The following PPEF1 variants were observed in gnomAD, a reference collection of about 807,000 sequenced individuals.
PPEF1 encodes the protein serine/threonine-protein phosphatase with EF-hands 1.
In PPEF1, 12 loss-of-function variants were observed where a neutral mutation model predicts 53.3. The observed-to-expected ratio is 0.23, with a 90% confidence interval of 0.14 to 0.36. The LOEUF is 0.36. Ranked by LOEUF, PPEF1 falls within the 10% of genes least tolerant of loss-of-function variation. The pLI, the probability that PPEF1 is intolerant of heterozygous loss-of-function variation, is 1.00. For synonymous variants in PPEF1, 165 were observed against 176.7 expected (o/e 0.93, Z 0.52); for missense variants, 334 against 490.4 (o/e 0.68, Z 3.01).
In PPEF1 at chrX:18,786,910, C is replaced by T. The variant is rs528001788; in HGVS notation, c.913-2211C>T. Among the ~76,000 whole-genome samples the T allele has an allele frequency of 2.7e-5, 3 of 110,883 alleles. No individual in the cohort carries two copies. In the South Asian group the frequency reaches 1.2e-3, roughly 43 times the overall value. ...GAGGTTTGTGTTTCAGTCACCAATA[C>T]AGACCCTGGGGAGAGTTTGTGGGCC... is the stretch of plus-strand genomic sequence containing the variant. On this transcript the variant is annotated intron_variant, in intron 9 of 15. Transcript: ENST00000470157.
chrX:18,767,826 G>A (rs1023310945), intron 6 of PPEF1, among the ~76,000 whole-genome samples: 1 of 110,909 alleles, frequency 9.0e-6, no homozygotes, highest in Non-Finnish European at 1.9e-5. Context: ...AAGGAAGAGA[G>A]TGGTGAGGGG....
rs2047195168 is a variant in PPEF1, at chrX:18,827,789, G to A, written c.*302G>A. On this transcript the variant is annotated 3_prime_UTR_variant, in exon 16 of 16. Transcript: ENST00000470157. ...GCCACCTAACCAGGAGGCCAGAGCGGTTTGAAAACATCCTGAAAGGAACTC... is the reference window on the plus strand; with the variant it reads ...GCCACCTAACCAGGAGGCCAGAGCGATTTGAAAACATCCTGAAAGGAACTC... 1 of 227,869 alleles carries A rather than the reference G, an allele frequency of 4.4e-6. No homozygotes were observed. Among genetic ancestry groups the A allele is most frequent in the Non-Finnish European group, 7.9e-6 (1 of 126,056 alleles). 18.8% of individuals were successfully genotyped at this position (227,869 alleles called of 1,213,427 possible).
intron 5 of PPEF1, among the ~76,000 whole-genome samples, chrX:18,758,396 C>A (rs1340436152): frequency 8.9e-6 from 1 of 111,929 alleles, no homozygotes; most frequent in African/African-American, 3.2e-5. Context: ...TCTAATTAAG[C>A]CTTTAGGTTA....
intron 12 of PPEF1, among the ~76,000 whole-genome samples, chrX:18,810,076 CTGTGTGTGTGTGTG>C (rs199559695): frequency 4.0e-5 from 4 of 99,461 alleles, no homozygotes; most frequent in South Asian, 4.9e-4. Flanking sequence ...AAAAAATCCT[CTGTGTGTGTGTGTG>C]TGTGTGTGTG....
Position 18,686,584 on chromosome X carries a change from G to A in PPEF1, c.-426+353G>A, listed in dbSNP as rs766179363. On this transcript the variant is annotated intron_variant, in intron 3 of 21. Transcript: ENST00000361511. Reference sequence around the variant, plus strand: ...AATTGGCTTAAGTCAACCAGGGCCCGCGCTTAGAGTTGGGGGCTGCGTCAG... The same window carrying A: ...AATTGGCTTAAGTCAACCAGGGCCCACGCTTAGAGTTGGGGGCTGCGTCAG... Among the ~76,000 whole-genome samples, 13 of 111,065 alleles carry A rather than the reference G, an allele frequency of 1.2e-4. 1 individual carries two copies. The highest frequency in any genetic ancestry group is 3.6e-4 in the African/African-American group (11 of 30,549).
chrX:18,801,541 T>C (rs1357769552), intron 10 of PPEF1, among the ~76,000 whole-genome samples: 2 of 111,968 alleles, frequency 1.8e-5, no homozygotes, highest in Non-Finnish European at 3.8e-5. Context: ...TCTGTTAGAA[T>C]CTGAGATACT....
Position 18,778,997 on chromosome X carries a change from C to T in PPEF1, c.559-13C>T, listed in dbSNP as rs1437290093. Reference sequence around the variant, plus strand: ...TTTAATTCCTTGTTTTTTCCCTTCTCCTCCTTCCACAGAATGGTCTCCCCT... The same window carrying T: ...TTTAATTCCTTGTTTTTTCCCTTCTTCTCCTTCCACAGAATGGTCTCCCCT... On this transcript the variant is annotated splice_polypyrimidine_tract_variant and intron_variant, in intron 6 of 15. Coordinates refer to ENST00000470157, the MANE Select transcript of PPEF1 (RefSeq NM_001377996.1). The T allele has an allele frequency of 1.7e-6, 2 of 1,176,600 alleles. No homozygotes were observed. Among genetic ancestry groups the T allele is most frequent in the African/African-American group, 1.8e-5 (1 of 56,593 alleles).
At chrX:18,728,855 T>C (rs2044769910) in intron 1 of PPEF1, among the ~76,000 whole-genome samples, 1 of 111,976 alleles carries the variant, frequency 8.9e-6, no homozygotes, top group African/African-American at 3.2e-5. Context: ...GTTCCTGTTA[T>C]AGTCAACTCT....
At chrX:18,823,143 T>C (rs1316815439) in intron 13 of PPEF1, among the ~76,000 whole-genome samples, 1 of 111,110 alleles carries the variant, frequency 9.0e-6, no homozygotes, top group African/African-American at 3.3e-5. Flanking sequence ...AAAGGAGTCT[T>C]TTCAATAAAC....
At chrX:18,746,801 T>C (rs1041718071) in intron 3 of PPEF1, among the ~76,000 whole-genome samples, 2 of 112,266 alleles carry the variant, frequency 1.8e-5, no homozygotes, top group Non-Finnish European at 3.8e-5. Context: ...GTGTAATGGT[T>C]AAGAGTTTGA....
At chrX:18,699,087 A>AT (rs1370408472) in intron 5 of PPEF1, among the ~76,000 whole-genome samples, 1 of 110,406 alleles carries the variant, frequency 9.1e-6, no homozygotes, top group South Asian at 3.8e-4. Flanking sequence ...ATTGTCCACT[A>AT]TTTTTTTTGG....
chrX:18,741,772 CTTTTTT>C (rs58971135), intron 3 of PPEF1, among the ~76,000 whole-genome samples: 17 of 66,338 alleles, frequency 2.6e-4, no homozygotes, highest in African/African-American at 9.4e-4. Context: ...GCTGCTGCTT[CTTTTTT>C]TTTTTTTTTT....
chrX:18,794,581 C>A lies in PPEF1; in HGVS notation c.1065+5308C>A, dbSNP rs778743683. On this transcript the variant is annotated intron_variant, in intron 10 of 15. Coordinates refer to ENST00000470157, the MANE Select transcript of PPEF1 (RefSeq NM_001377996.1). ...TTGGCTTGCCCTTCTTGGCATAGCA[C>A]CTCCTCCTTATGATTGAGCAAGCAT... is the stretch of plus-strand genomic sequence containing the variant. Among the ~76,000 whole-genome samples the A allele has an allele frequency of 2.6e-4, 29 of 112,862 alleles. 1 individual carries two copies. The highest frequency in any genetic ancestry group is 1.5e-3 in the Admixed American group (16 of 10,698).
At chrX:18,691,711 G>C (rs1336643903) in intron 4 of PPEF1, 2 of 112,052 alleles carry the variant, frequency 1.8e-5, no homozygotes, top group African/African-American at 6.5e-5. Context: ...ACAAGATAAA[G>C]AAACAGATTG....
chrX:18,677,775 G>A (rs1046848668), intron 1 of PPEF1, among the ~76,000 whole-genome samples: 3 of 111,306 alleles, frequency 2.7e-5, no homozygotes, highest in Non-Finnish European at 5.7e-5. Context: ...GTCGTAGGAG[G>A]CTGTCCCGTG....
chrX:18,785,841 C>T (rs1038353456), intron 9 of PPEF1, among the ~76,000 whole-genome samples: 1 of 111,324 alleles, frequency 9.0e-6, no homozygotes, highest in African/African-American at 3.3e-5. Flanking sequence ...ATGATCGCAC[C>T]ACTGCACTCC....
At chrX:18,702,544 C>T (rs1209176585) in intron 6 of PPEF1, among the ~76,000 whole-genome samples, 1 of 107,679 alleles carries the variant, frequency 9.3e-6, no homozygotes, top group African/African-American at 3.4e-5. Context: ...TAAGAATGAA[C>T]AAGAACAACT....
intron 6 of PPEF1, among the ~76,000 whole-genome samples, chrX:18,778,178 C>T (rs1050294741): frequency 1.8e-5 from 2 of 111,424 alleles, no homozygotes; most frequent in African/African-American, 6.5e-5. Context: ...AAATAGCCAT[C>T]TCCCTATCAA....
Position 18,815,908 on chromosome X carries a change from T to A in PPEF1, c.1395-2131T>A, listed in dbSNP as rs780188845. On this transcript the variant is annotated intron_variant, in intron 12 of 15. Coordinates refer to ENST00000470157, the MANE Select transcript of PPEF1 (RefSeq NM_001377996.1). ...ATTTTTTATTTTATTTATTTATTTT[T>A]TTTTTTTTTGAGATGGAGTTTTGCT... 1.7e-4 allele frequency among the ~76,000 whole-genome samples: 18 copies of A among 107,658 alleles called. No homozygotes were observed. The East Asian group carries it at 2.8e-3, about 17-fold the overall frequency. The allele number at this position is 107,658 out of a possible 115,157, so 93.5% of individuals were successfully genotyped here. A position where few individuals can be genotyped will look rare whatever the true frequency, so the allele number is the denominator to read the frequency against.
Sources: allele counts gnomAD v4.1 joint callset (sites outside exome capture counted in the v4.1 genomes callset), GRCh38; gene constraint gnomAD v4.1.1; transcripts MANE v1.5; gene names NCBI Gene and HGNC (gene_info 2026-07-23, HGNC 2026-07-21).